BACH2: variants seen among roughly 807,000 people sequenced by gnomAD.
BACH2 encodes the protein BACH transcriptional regulator 2.
Under a neutral mutation model 61.8 loss-of-function variants are expected in BACH2, and 5 were observed. The observed-to-expected ratio is 0.08, with a 90% CI of 0.04 to 0.17. The LOEUF (loss-of-function observed/expected upper bound fraction) is 0.17. Among genes scored for constraint, BACH2 ranks in the 10% least tolerant of loss-of-function variants. BACH2 has a pLI of 1.00. For synonymous variants in BACH2, 446 were observed against 440.1 expected, an observed-to-expected ratio of 1.01 and a Z score of -0.17; for missense variants, 824 against 1,091.1, an observed-to-expected ratio of 0.76 and a Z score of 3.45.
chr6:89,951,096 G>A lies in BACH2; in HGVS notation c.1010C>T (p.Ser337Leu), dbSNP rs1404131015. 3 of 1,612,632 alleles carry A rather than the reference G, an allele frequency of 1.9e-6. No homozygotes were observed. Among genetic ancestry groups the A allele is most frequent in the Non-Finnish European group, 2.5e-6 (3 of 1,179,362 alleles). ...ACLERSRSVA[S>L]PSCLRSLFSI... ...GAACAGAGACCTTAAGCAGGAGGGC[G>A]AGGCCACGCTCCTGGATCTCTCCAG... Residue 337 changes from serine to leucine, a missense_variant, in exon 7 of 9, where the codon TCG (serine) becomes TTG (leucine). Physicochemically the swap from Ser to Leu is moderately radical, Grantham distance 145. Around this residue, in one of 8 missense-constraint regions of BACH2, gnomAD observed 226 missense variants for 228.5 expected, o/e 0.99. Coordinates refer to ENST00000257749, the MANE Select transcript of BACH2 (RefSeq NM_021813.4). This position sits in a 1 kb window ranked among gnomAD's most constrained non-coding sequence, Gnocchi z 6.4.
At chr6:90,102,150 A>G (rs1782655747) in intron 4 of BACH2, among the ~76,000 whole-genome samples, 1 of 152,156 alleles carries the variant, frequency 6.6e-6, no homozygotes, top group Non-Finnish European at 1.5e-5. Context: ...CACTATAAAT[A>G]TAAGGAGCTC....
intron 5 of BACH2, among the ~76,000 whole-genome samples, chr6:90,036,103 A>T (rs1779250450): frequency 6.6e-6 from 1 of 151,974 alleles, no homozygotes; most frequent in African/African-American, 2.4e-5. Context: ...AGTGAAAATA[A>T]AATGGGTTTC....
intron 4 of BACH2, among the ~76,000 whole-genome samples, chr6:90,166,365 A>C (rs1434143995): frequency 2.0e-5 from 3 of 152,184 alleles, no homozygotes; most frequent in Non-Finnish European, 4.4e-5. Flanking sequence ...ATACCATCTC[A>C]CACCAGTTAG....
intron 6 of BACH2, among the ~76,000 whole-genome samples, chr6:89,970,305 C>A (rs1192701594): frequency 6.6e-6 from 1 of 152,158 alleles, no homozygotes; most frequent in South Asian, 2.1e-4. Flanking sequence ...GCGCCGCCGA[C>A]AGGCTTTGAT....
At chr6:89,960,864 C>T (rs1206047623) in intron 6 of BACH2, among the ~76,000 whole-genome samples, 1 of 152,152 alleles carries the variant, frequency 6.6e-6, no homozygotes, top group South Asian at 2.1e-4. Flanking sequence ...ATAGTCGGCT[C>T]AGAATGGTTA....
chr6:90,140,461 T>C (rs143045189), intron 4 of BACH2, among the ~76,000 whole-genome samples: 13 of 152,300 alleles, frequency 8.5e-5, no homozygotes, highest in Middle Eastern at 3.4e-3. Flanking sequence ...TAGTATTCCA[T>C]TGAATTGAAG....
chr6:90,241,466 G>C (rs1380980116), intron 3 of BACH2, among the ~76,000 whole-genome samples: 7 of 152,066 alleles, frequency 4.6e-5, no homozygotes. Context: ...AGACTGCAAG[G>C]GTAGGAATTT....
chr6:89,954,852 T>C (rs1241984884), intron 6 of BACH2, among the ~76,000 whole-genome samples: 3 of 152,158 alleles, frequency 2.0e-5, no homozygotes, highest in South Asian at 4.1e-4. Context: ...GAAAGAGTCA[T>C]AGATAAAAAA....
intron 3 of BACH2, among the ~76,000 whole-genome samples, chr6:90,232,453 A>C (rs931358909): frequency 7.9e-5 from 12 of 152,244 alleles, no homozygotes; most frequent in Middle Eastern, 3.2e-3. Flanking sequence ...ATTTAGCAGA[A>C]ATGTTAATAA....
intron 5 of BACH2, among the ~76,000 whole-genome samples, chr6:90,055,134 C>T (rs4707590): frequency 6.6e-6 from 1 of 151,680 alleles, no homozygotes; most frequent in Non-Finnish European, 1.5e-5. Context: ...AATGACTTTG[C>T]TGAGTTGAGA....
chr6:90,018,694 T>A (rs1778204166), intron 5 of BACH2, among the ~76,000 whole-genome samples: 1 of 152,228 alleles, frequency 6.6e-6, no homozygotes, highest in African/African-American at 2.4e-5. Flanking sequence ...TAATGGTTTG[T>A]AATACCCAAT....
At chr6:90,295,001 T>G (rs547621210) in intron 1 of BACH2, among the ~76,000 whole-genome samples, 1 of 152,356 alleles carries the variant, frequency 6.6e-6, no homozygotes, top group South Asian at 2.1e-4. Context: ...CCCTTTTTAG[T>G]TAAATACACT....
intron 3 of BACH2, among the ~76,000 whole-genome samples, chr6:90,214,658 G>GAGAAGAAACTTTCATTAATCTGC (rs1769468584): frequency 6.6e-6 from 1 of 151,186 alleles, no homozygotes; most frequent in African/African-American, 2.4e-5. Context: ...TGTTCCTCTT[G>GAGAAGAAACTTTCATTAATCTGC]AGAAGAAACT....
At chr6:90,254,220 G>C (rs1159747916) in intron 2 of BACH2, among the ~76,000 whole-genome samples, 3 of 151,390 alleles carry the variant, frequency 2.0e-5, no homozygotes, top group African/African-American at 2.4e-5. Flanking sequence ...GCTTGGTAAA[G>C]AGTTGATGAA....
In BACH2 at chr6:90,050,686, TA is replaced by T. The variant is rs1171460706; in HGVS notation, c.-13+38274del. The stretch of plus-strand genomic sequence containing the variant: ...TTACTGTGATTTTAAAATTAACTAA[TA>T]GATACTTTAAATGTTCAGTTTTAAT... On this transcript the variant is annotated intron_variant, in intron 5 of 8. Transcript: ENST00000257749. Among the ~76,000 whole-genome samples the T allele has an allele frequency of 4.6e-5, 7 of 152,300 alleles. No individual in the cohort carries two copies. The East Asian group carries it at 1.3e-3, about 29-fold the overall frequency.
At chr6:90,019,823 CTCAAGAGT>C (rs1236170026) in intron 5 of BACH2, among the ~76,000 whole-genome samples, 2 of 152,124 alleles carry the variant, frequency 1.3e-5, no homozygotes, top group African/African-American at 2.4e-5. Flanking sequence ...GGTTGAAGTT[CTCAAGAGT>C]AGACTCCATA....
At chr6:90,060,703 T>A (rs1780640170) in intron 5 of BACH2, among the ~76,000 whole-genome samples, 1 of 152,174 alleles carries the variant, frequency 6.6e-6, no homozygotes. Context: ...TTTGATAATC[T>A]TTTTTGAAAG....
At chr6:90,245,681 TTTAG>T (rs1288080899) in intron 3 of BACH2, among the ~76,000 whole-genome samples, 2 of 152,218 alleles carry the variant, frequency 1.3e-5, no homozygotes, top group Non-Finnish European at 2.9e-5. Context: ...CATTCAGTAG[TTTAG>T]TTAGCTCTGT....
At position 89,951,374 on chromosome 6, in the gene BACH2, A is replaced by G; in HGVS notation, c.732T>C (p.Asn244=). ...YQLACTKNVY[N]ASSHSTSGFA... ...AACCTGAGGTACTGTGTGATGATGCATTATAGACATTCTTGGTACATGCAA... is the reference window on the plus strand; with the variant it reads ...AACCTGAGGTACTGTGTGATGATGCGTTATAGACATTCTTGGTACATGCAA... The change falls in exon 7 of 9, where the codon AAT becomes AAC. Residue 244 remains asparagine (N), a synonymous_variant. Transcript: ENST00000257749. The surrounding 1 kb of genome is among the most constrained non-coding windows in gnomAD (Gnocchi z 6.4). 1.9e-6 allele frequency: 3 copies of G among 1,614,230 alleles called. No individual in the cohort carries two copies. The highest frequency in any genetic ancestry group is 2.5e-6 in the Non-Finnish European group (3 of 1,180,044).
Sources: gnomAD v4.1 joint callset for allele counts (sites outside exome capture counted in the v4.1 genomes callset) on GRCh38, gnomAD v4.1.1 for gene constraint, gnomAD v4.1.1 regional missense constraint, Gnocchi (gnomAD v3.1) non-coding constraint, MANE v1.5 for transcripts, NCBI Gene and HGNC (gene_info 2026-07-23, HGNC 2026-07-21) for gene names.